The following PPP1R12B variants were observed in gnomAD, a reference collection of about 807,000 sequenced individuals.
PPP1R12B encodes the protein myosin phosphatase target subunit 2.
In PPP1R12B, 76 loss-of-function variants were observed where a neutral mutation model predicts 126.1. The ratio of observed to expected loss-of-function variants is 0.60; its 90% confidence interval spans 0.50 to 0.73. The LOEUF (loss-of-function observed/expected upper bound fraction) is 0.73. Ranked by LOEUF, PPP1R12B falls within the 30% of genes least tolerant of loss-of-function variation. The pLI is 0.00. For missense variants in PPP1R12B, 1,052 were observed against 1,205.1 expected (o/e 0.87, Z 1.88); for synonymous variants, 356 against 434.7 (o/e 0.82, Z 2.25).
At chr1:202,384,773 T>A (rs1662866938) in intron 1 of PPP1R12B, among the ~76,000 whole-genome samples, 1 of 152,230 alleles carries the variant, frequency 6.6e-6, no homozygotes, top group South Asian at 2.1e-4. Flanking sequence ...CTGTGAGCAT[T>A]CTTGTACATG....
intron 13 of PPP1R12B, among the ~76,000 whole-genome samples, chr1:202,464,090 A>G (rs1674668772): frequency 6.6e-6 from 1 of 152,154 alleles, no homozygotes. Context: ...ATTAAAACCC[A>G]CTACTGACTA....
rs772556181 is a variant in PPP1R12B at position 202,511,771 on chromosome 1, A to ATTT, written c.2490+14969_2490+14971dup. Among the ~76,000 whole-genome samples the ATTT allele has an allele frequency of 2.0e-4, 22 of 107,854 alleles. 1 individual carries two copies. The highest frequency in any genetic ancestry group is 5.3e-4 in the African/African-American group (15 of 28,116). 70.8% of individuals were successfully genotyped at this position (107,854 alleles called of 152,430 possible). On this transcript the variant is annotated intron_variant, in intron 18 of 23. Coordinates refer to ENST00000608999, the MANE Select transcript of PPP1R12B (RefSeq NM_002481.4). ...TATTCCATGATGTATATATACCACA[A>ATTT]TTTTTTTTTTTTTTTTTTTTTTGAG...
At chr1:202,451,341 G>A (rs1319726143) in intron 13 of PPP1R12B, among the ~76,000 whole-genome samples, 1 of 149,138 alleles carries the variant, frequency 6.7e-6, no homozygotes, top group Non-Finnish European at 1.5e-5. Flanking sequence ...TTGTGTCCCT[G>A]CGTACTTGAG....
At position 202,380,388 on chromosome 1, in the gene PPP1R12B, C is replaced by T. The variant is rs1662050614; in HGVS notation, c.291+31246C>T. 5.3e-5 allele frequency among the ~76,000 whole-genome samples: 8 copies of T among 152,118 alleles called. No individual in the cohort carries two copies. The South Asian group carries it at 1.7e-3, about 32-fold the overall frequency. ...CATTATTTACCTAGAGTTTCCAGCC[C>T]AGGGCTGCTGTTGCCCTAGTGGAGA... is the stretch of plus-strand genomic sequence containing the variant. On this transcript the variant is annotated intron_variant, in intron 1 of 23. Transcript: ENST00000608999.
intron 18 of PPP1R12B, among the ~76,000 whole-genome samples, chr1:202,535,683 A>G (rs904846919): frequency 2.0e-5 from 3 of 152,196 alleles, no homozygotes; most frequent in African/African-American, 7.2e-5. Flanking sequence ...TGAACTCAAC[A>G]TCCTATCCTG....
Position 202,487,418 on chromosome 1 carries a change from TATC to T in PPP1R12B, c.1851-1110_1851-1108del, listed in dbSNP as rs113415416. On this transcript the variant is annotated intron_variant, in intron 13 of 23. Coordinates refer to ENST00000608999, the MANE Select transcript of PPP1R12B (RefSeq NM_002481.4). ...AGGATTACAGAGAATGAAAACTTACTATCATCACTGCTTTTCAGCATGTCCTAG... is the reference window on the plus strand; with the variant it reads ...AGGATTACAGAGAATGAAAACTTACTATCACTGCTTTTCAGCATGTCCTAG... 8.0e-3 allele frequency among the ~76,000 whole-genome samples: 1,219 copies of T among 152,288 alleles called. 18 individuals are homozygous for T. Among genetic ancestry groups the T allele is most frequent in the African/African-American group, 0.027 (1,140 of 41,552 alleles).
intron 13 of PPP1R12B, among the ~76,000 whole-genome samples, chr1:202,472,751 G>A (rs901544304): frequency 4.6e-5 from 7 of 152,234 alleles, no homozygotes; most frequent in African/African-American, 1.7e-4. Flanking sequence ...ATAACTTAGT[G>A]TCTAGAGCAG....
At chr1:202,521,595 C>A (rs905102246) in intron 18 of PPP1R12B, among the ~76,000 whole-genome samples, 11 of 152,162 alleles carry the variant, frequency 7.2e-5, no homozygotes, top group African/African-American at 2.6e-4. Flanking sequence ...AGTTAGACTG[C>A]ACATACTTTC....
At chr1:202,381,706 A>C in intron 1 of PPP1R12B, among the ~76,000 whole-genome samples, 1 of 152,218 alleles carries the variant, frequency 6.6e-6, no homozygotes, top group East Asian at 1.9e-4. Flanking sequence ...ATATCTACAA[A>C]TAATTCCAAA....
intron 13 of PPP1R12B, among the ~76,000 whole-genome samples, chr1:202,452,151 G>A (rs564598262): frequency 4.0e-4 from 61 of 152,124 alleles, no homozygotes; most frequent in African/African-American, 9.4e-4. Flanking sequence ...ACGGGGTGGC[G>A]GCCGGGCAGA....
Position 202,425,618 on chromosome 1 carries a change from T to C in PPP1R12B, c.594T>C (p.Asp198=), listed in dbSNP as rs1669401284. The stretch of plus-strand genomic sequence containing the variant: ...AAGAAGAGCAGCAGATGTTGCAGGA[T>C]GCCCGCCAGTGGCTCAACAGTGGGA... ...RKEEEQQMLQ[D]ARQWLNSGKI... is the part of the protein sequence containing the mutation. Residue 198 remains aspartate, a synonymous_variant, in exon 4 of 24, where the codon GAT becomes GAC. Transcript: ENST00000608999. The C allele has an allele frequency of 6.2e-7, 1 of 1,613,990 alleles. No homozygotes were observed. The highest frequency in any genetic ancestry group is 8.5e-7 in the Non-Finnish European group (1 of 1,179,868).
Position 202,534,490 on chromosome 1 carries a change from C to T in PPP1R12B, c.2491-24387C>T, listed in dbSNP as rs370821232. Among the ~76,000 whole-genome samples, 6 of 151,664 alleles carry T rather than the reference C, an allele frequency of 4.0e-5. No homozygotes were observed. The East Asian group carries it at 9.7e-4, about 24-fold the overall frequency. On this transcript the variant is annotated intron_variant, in intron 18 of 23. Transcript: ENST00000608999. ...TTGCTTACATATACATGTACATTTA[C>T]ATCTTTATTTCTTTATCTATCTATA...
chr1:202,354,954 T>C (rs1656795403), intron 1 of PPP1R12B, among the ~76,000 whole-genome samples: 2 of 151,822 alleles, frequency 1.3e-5, no homozygotes, highest in African/African-American at 4.8e-5. Flanking sequence ...GCCTCCCGAG[T>C]AGCTGGGACC....
intron 13 of PPP1R12B, among the ~76,000 whole-genome samples, chr1:202,487,836 G>A (rs1678356239): frequency 6.6e-6 from 1 of 152,118 alleles, no homozygotes; most frequent in African/African-American, 2.4e-5. Context: ...TCCTACTCCT[G>A]ACCTCAGGTG....
At chr1:202,512,537 C>T (rs1422125988) in intron 18 of PPP1R12B, among the ~76,000 whole-genome samples, 1 of 152,140 alleles carries the variant, frequency 6.6e-6, no homozygotes, top group African/African-American at 2.4e-5. Flanking sequence ...AGTAATTTAA[C>T]CTCTCTGAGC....
intron 2 of PPP1R12B, among the ~76,000 whole-genome samples, chr1:202,420,717 A>G (rs1485456228): frequency 1.3e-5 from 2 of 152,184 alleles, no homozygotes; most frequent in African/African-American, 2.4e-5. Flanking sequence ...CTAGGACTTG[A>G]TAGAATTAAG....
chr1:202,449,227 G>A, intron 13 of PPP1R12B, 56 bp downstream of exon 13: 2 of 1,528,486 alleles, frequency 1.3e-6, no homozygotes, highest in South Asian at 1.2e-5. Context: ...AGACGATAAA[G>A]GAATGGGCAT....
intron 1 of PPP1R12B, among the ~76,000 whole-genome samples, chr1:202,371,684 G>T (rs1255056046): frequency 1.1e-4 from 17 of 152,072 alleles, no homozygotes; most frequent in Non-Finnish European, 2.1e-4. Flanking sequence ...TTATTTAGAA[G>T]TGATTTAAGA....
At chr1:202,545,861 G>C (rs1299281891) in intron 18 of PPP1R12B, among the ~76,000 whole-genome samples, 2 of 152,174 alleles carry the variant, frequency 1.3e-5, no homozygotes, top group East Asian at 3.9e-4. Context: ...CTGCATATCG[G>C]TGTGGCTAGA....
Sources: allele counts gnomAD v4.1 joint callset (sites outside exome capture counted in the v4.1 genomes callset), GRCh38; gene constraint gnomAD v4.1.1; transcripts MANE v1.5; gene names NCBI Gene and HGNC (gene_info 2026-07-23, HGNC 2026-07-21).